The following SNAP47 variants were observed in gnomAD, a reference collection of about 807,000 sequenced individuals.
SNAP47 encodes synaptosome associated protein 47.
Under a neutral mutation model 31.4 loss-of-function variants are expected in SNAP47, and 20 were observed. The observed-to-expected ratio is 0.64, with a 90% confidence interval of 0.45 to 0.93. The LOEUF (loss-of-function observed/expected upper bound fraction) is 0.93, where lower values mean the gene tolerates loss of function less well. SNAP47 is among the 40% of genes least tolerant of loss of function. The pLI, the probability that SNAP47 is intolerant of heterozygous loss-of-function variation, is 0.00. For synonymous variants in SNAP47, 194 were observed against 213.4 expected (o/e 0.91, Z 0.79); for missense variants, 492 against 528.5 (o/e 0.93, Z 0.68).
chr1:227,755,579 GT>G (rs1281924154), intron 2 of SNAP47, among the ~76,000 whole-genome samples: 1 of 152,096 alleles, frequency 6.6e-6, no homozygotes, highest in East Asian at 1.9e-4. Flanking sequence ...TAGAGACAGG[GT>G]TTTGCCATGT....
chr1:227,756,853 C>T (rs1662730834), intron 2 of SNAP47, among the ~76,000 whole-genome samples: 1 of 152,268 alleles, frequency 6.6e-6, no homozygotes, highest in African/African-American at 2.4e-5. Context: ...CCCACTGTTT[C>T]TGGCTGTGCT....
At chr1:227,729,255 G>T (rs1660489361) in intron 1 of SNAP47, among the ~76,000 whole-genome samples, 1 of 152,190 alleles carries the variant, frequency 6.6e-6, no homozygotes, top group Non-Finnish European at 1.5e-5. Context: ...AGAGGCCCAG[G>T]TCCCTGGAGT....
upstream of SNAP47, chr1:227,735,358 C>T: frequency 3.1e-6 from 5 of 1,593,414 alleles, no homozygotes; most frequent in South Asian, 3.3e-5. Flanking sequence ...CCAGAAGACG[C>T]AGGGCGCCGC....
At chr1:227,742,980 G>A (rs775619397) in intron 1 of SNAP47, among the ~76,000 whole-genome samples, 1 of 152,192 alleles carries the variant, frequency 6.6e-6, no homozygotes, top group Non-Finnish European at 1.5e-5. Flanking sequence ...GGTGGGGAGT[G>A]GGTGGCCCTG....
chr1:227,753,414 C>T (rs545741773), intron 2 of SNAP47, among the ~76,000 whole-genome samples: 1 of 152,190 alleles, frequency 6.6e-6, no homozygotes, highest in Non-Finnish European at 1.5e-5. Flanking sequence ...GGCAGGTTCA[C>T]GGGGCATTCT....
chr1:227,755,714 T>A (rs2102943094), intron 2 of SNAP47, among the ~76,000 whole-genome samples: 1 of 152,148 alleles, frequency 6.6e-6, no homozygotes, highest in East Asian at 1.9e-4. Flanking sequence ...AGAGATGGAG[T>A]CTCACTTTGT....
Position 227,759,320 on chromosome 1 carries a change from A to G in SNAP47, c.823A>G (p.Lys275Glu). The change falls in exon 3 of 5, where the codon AAG becomes GAG. Residue 275 changes from lysine (K) to glutamate (E), a missense_variant. By Grantham distance (56) the Lys-to-Glu change is moderately conservative. Coordinates refer to ENST00000617596, the MANE Select transcript of SNAP47 (RefSeq NM_053052.4). The part of the protein sequence containing the change: ...EISIRQRFIG[K>E]PDMAYRLISA... ...TAGCATCCGCCAGCGGTTTATTGGA[A>G]AGCCAGACATGGCCTATCGTTTGAT... 6.2e-7 allele frequency: 1 copy of G among 1,614,234 alleles called. No homozygotes were observed. The highest frequency in any genetic ancestry group is 1.3e-5 in the African/African-American group (1 of 75,072).
In SNAP47 at chr1:227,741,253, C is replaced by A. The variant is rs1170976495; in HGVS notation, c.-46+5754C>A. ...GAGTTTCTGGCCTGTGTTGTCTCAC[C>A]TGGAAAAAGAGGGTGCAAGGAGGAG... is the stretch of plus-strand genomic sequence containing the variant. On this transcript the variant is annotated intron_variant, in intron 1 of 4. Transcript: ENST00000617596. This position sits in a 1 kb window ranked among gnomAD's most constrained non-coding sequence, Gnocchi z 4.2. 6.6e-6 allele frequency among the ~76,000 whole-genome samples: 1 copy of A among 152,024 alleles called. No homozygotes were observed. Among genetic ancestry groups the A allele is most frequent in the Non-Finnish European group, 1.5e-5 (1 of 68,008 alleles).
Position 227,776,946 on chromosome 1 carries a change from A to G in SNAP47, c.1114-3581A>G, listed in dbSNP as rs1664194836. 4.1e-6 allele frequency: 4 copies of G among 985,302 alleles called. No individual in the cohort carries two copies. In the South Asian group the frequency reaches 1.9e-4, roughly 46 times the overall value. 61.0% of individuals were successfully genotyped at this position (985,302 alleles called of 1,614,324 possible). A position where few individuals can be genotyped will look rare whatever the true frequency, so the allele number is the denominator to read the frequency against. On this transcript the variant is annotated intron_variant, in intron 4 of 4. Coordinates refer to ENST00000617596, the MANE Select transcript of SNAP47 (RefSeq NM_053052.4). ...AGCCTTTATTTTGTCTGTGTACACAATAAAATATTCCGCTTCTATAGGCAG... is the reference window on the plus strand; with the variant it reads ...AGCCTTTATTTTGTCTGTGTACACAGTAAAATATTCCGCTTCTATAGGCAG...
chr1:227,760,637 C>CT (rs886839874), intron 3 of SNAP47, among the ~76,000 whole-genome samples: 13 of 152,220 alleles, frequency 8.5e-5, no homozygotes, highest in African/African-American at 3.1e-4. Context: ...TGATGGGAGG[C>CT]TGGTGGCCTC....
chr1:227,751,795 G>T (rs1185434166), intron 2 of SNAP47, among the ~76,000 whole-genome samples: 1 of 108,740 alleles, frequency 9.2e-6, no homozygotes, highest in African/African-American at 3.6e-5. Flanking sequence ...ACGGAGTCTC[G>T]CTCTGTCTCC....
intron 1 of SNAP47, among the ~76,000 whole-genome samples, chr1:227,742,028 TTTTA>T (rs947982321): frequency 1.3e-5 from 2 of 151,784 alleles, no homozygotes; most frequent in African/African-American, 4.8e-5. Context: ...TCTTTTTTTA[TTTTA>T]TTTTATTATT....
At chr1:227,772,822 T>C (rs1663907195) in intron 4 of SNAP47, among the ~76,000 whole-genome samples, 1 of 152,214 alleles carries the variant, frequency 6.6e-6, no homozygotes, top group Non-Finnish European at 1.5e-5. Context: ...CAGCTGTTCT[T>C]TCCCCATTGA....
intron 2 of SNAP47, among the ~76,000 whole-genome samples, chr1:227,752,045 G>T (rs988390193): frequency 6.6e-6 from 1 of 152,096 alleles, no homozygotes; most frequent in Non-Finnish European, 1.5e-5. Flanking sequence ...GATTACAGGC[G>T]TGAACCACCG....
At chr1:227,734,881 G>A (rs771966376), upstream of SNAP47, 1,457 of 1,597,978 alleles carry the variant, frequency 9.1e-4, 6 homozygotes, top group Admixed American at 1.7e-3. Context: ...ACCGTCTGCA[G>A]AGGAACTCTC....
chr1:227,733,543 G>A (rs1438152996), upstream of SNAP47: 2 of 1,606,680 alleles, frequency 1.2e-6, no homozygotes, highest in Non-Finnish European at 1.7e-6. Flanking sequence ...GTGCTGGGGA[G>A]GTCACGTCGT....
intron 1 of SNAP47, among the ~76,000 whole-genome samples, chr1:227,737,883 G>T (rs1661328666): frequency 6.6e-6 from 1 of 152,164 alleles, no homozygotes. Flanking sequence ...TGTGATCACG[G>T]TATGCAATTG....
At chr1:227,756,685 T>A (rs1662718460) in intron 2 of SNAP47, among the ~76,000 whole-genome samples, 1 of 151,766 alleles carries the variant, frequency 6.6e-6, no homozygotes, top group Non-Finnish European at 1.5e-5. Context: ...GGAGGGGATG[T>A]CCCAATCATG....
At position 227,763,799 on chromosome 1, in the gene SNAP47, A is replaced by G. The variant is rs1020988423; in HGVS notation, c.989-3160A>G. 6.6e-6 allele frequency among the ~76,000 whole-genome samples: 1 copy of G among 152,182 alleles called. No homozygotes were observed. Among genetic ancestry groups the G allele is most frequent in the African/African-American group, 2.4e-5 (1 of 41,446 alleles). On this transcript the variant is annotated intron_variant, in intron 3 of 4. Transcript: ENST00000617596. This position sits in a 1 kb window ranked among gnomAD's most constrained non-coding sequence, Gnocchi z 4.2. ...GCCCAGCAGAGGCCTTTCCTGGGTG[A>G]CAGGTGAGTGTTGGAGGCCAGGGCT...
Sources: allele counts gnomAD v4.1 joint callset (sites outside exome capture counted in the v4.1 genomes callset), GRCh38; gene constraint gnomAD v4.1.1; non-coding constraint Gnocchi (gnomAD v3.1); transcripts MANE v1.5; gene names NCBI Gene and HGNC (gene_info 2026-07-23, HGNC 2026-07-21).